SLC5A4: variants seen among roughly 807,000 people sequenced by gnomAD.
The protein encoded by SLC5A4 is probable glucose sensor protein SLC5A4.
A neutral mutation model predicts 70.3 loss-of-function variants in SLC5A4; 55 were observed. That is an observed-to-expected ratio of 0.78 (90% CI 0.63 to 0.98). The LOEUF is 0.98. Among genes scored for constraint, SLC5A4 ranks in the 50% least tolerant of loss-of-function variants. SLC5A4 has a pLI of 0.00. For missense variants in SLC5A4, 735 were observed against 839.2 expected, an observed-to-expected ratio of 0.88 and a Z score of 1.53; for synonymous variants, 268 against 305.7, an observed-to-expected ratio of 0.88 and a Z score of 1.29.
At chr22:32,303,956 C>T in the SLC5A4 span, among the ~76,000 whole-genome samples, 1 of 152,196 alleles carries the variant, frequency 6.6e-6, no homozygotes, top group African/African-American at 2.4e-5. Context: ...TTCTCACCAG[C>T]ATTTGGTGTT....
At chr22:32,319,468 C>G in the SLC5A4 span, among the ~76,000 whole-genome samples, 1 of 152,178 alleles carries the variant, frequency 6.6e-6, no homozygotes, top group African/African-American at 2.4e-5. Context: ...GGGTCTCAGG[C>G]CCTCGACTGA....
At chr22:32,233,175 C>T in intron 8 of SLC5A4, 141 bp from the exon 9 acceptor site, 1 of 814,846 alleles carries the variant, frequency 1.2e-6, no homozygotes, top group Non-Finnish European at 1.9e-6. Context: ...CTCCTGTGTT[C>T]ATTGCAGCAC....
At chr22:32,271,050 AT>A in the SLC5A4 span, 2 of 566,706 alleles carry the variant, frequency 3.5e-6, no homozygotes, top group Non-Finnish European at 6.4e-6. Flanking sequence ...CTGTGTGGGG[AT>A]TTGGGATCCC....
chr22:32,307,488 G>A, the SLC5A4 span, among the ~76,000 whole-genome samples: 1 of 152,160 alleles, frequency 6.6e-6, no homozygotes, highest in African/African-American at 2.4e-5. Context: ...AAGGGCCCTG[G>A]GTACAGGGCC....
the SLC5A4 span, among the ~76,000 whole-genome samples, chr22:32,341,471 C>T: frequency 6.6e-6 from 1 of 152,200 alleles, no homozygotes; most frequent in Non-Finnish European, 1.5e-5. Context: ...CTTTGGTGAA[C>T]TCCTAGCTAC....
chr22:32,289,121 CT>C, the SLC5A4 span, among the ~76,000 whole-genome samples: 1 of 152,062 alleles, frequency 6.6e-6, no homozygotes, highest in African/African-American at 2.4e-5. Context: ...TATCTAGTGT[CT>C]CTTAAAAGAA....
chr22:32,247,318 T>C (rs1192368355), intron 5 of SLC5A4, 93 bp downstream of exon 5: 8 of 758,034 alleles, frequency 1.1e-5, no homozygotes, highest in Non-Finnish European at 1.9e-5. Flanking sequence ...TAAAGGCTGT[T>C]GACAGTCTAC....
chr22:32,291,802 G>C, the SLC5A4 span, among the ~76,000 whole-genome samples: 1 of 149,412 alleles, frequency 6.7e-6, no homozygotes, highest in Non-Finnish European at 1.5e-5. Flanking sequence ...CCAATGTATG[G>C]AAATTTTTAT....
At chr22:32,326,036 C>A in the SLC5A4 span, among the ~76,000 whole-genome samples, 2 of 152,200 alleles carry the variant, frequency 1.3e-5, no homozygotes, top group Non-Finnish European at 2.9e-5. Flanking sequence ...GTACCTGCAA[C>A]CTAAGTGGGA....
chr22:32,220,738 C>A (rs184334769), intron 14 of SLC5A4, among the ~76,000 whole-genome samples, 182 bp downstream of exon 14: 10 of 152,206 alleles, frequency 6.6e-5, no homozygotes, highest in Admixed American at 5.9e-4. Flanking sequence ...AATGGACAGG[C>A]AGATGAATAG....
At chr22:32,239,935 A>T (rs1026084865) in intron 5 of SLC5A4, among the ~76,000 whole-genome samples, 2 of 148,482 alleles carry the variant, frequency 1.3e-5, no homozygotes, top group Non-Finnish European at 3.0e-5. Flanking sequence ...GAGGCAGGAG[A>T]ATGGTGTGAA....
Position 32,232,918 on chromosome 22 carries a change from G to A in SLC5A4, c.1002C>T (p.Ile334=). The A allele has an allele frequency of 6.2e-7, 1 of 1,614,096 alleles. No homozygotes were observed. Among genetic ancestry groups the A allele is most frequent in the East Asian group, 2.2e-5 (1 of 44,884 alleles). Residue 334 remains isoleucine, a synonymous_variant, in exon 9 of 15, where the codon ATC becomes ATT. Transcript: ENST00000266086. The stretch of plus-strand genomic sequence containing the variant: ...GCTTACCTGTGTACAGGATGCGGCT[G>A]ATCATCCCCGGCATCACCATGAGGA... ...PMFLMVMPGM[I]SRILYTDMVA...
chr22:32,261,506 T>C, the SLC5A4 span, among the ~76,000 whole-genome samples: 16,466 of 152,180 alleles, frequency 0.11, 1,452 homozygotes, highest in African/African-American at 0.25. Flanking sequence ...ACACCCAGGG[T>C]GCCCCCTTCA....
At chr22:32,312,351 T>TCACACG in the SLC5A4 span, among the ~76,000 whole-genome samples, 1 of 110,626 alleles carries the variant, frequency 9.0e-6, no homozygotes. Context: ...ACACCCCAAA[T>TCACACG]CACACGCGCG....
the SLC5A4 span, among the ~76,000 whole-genome samples, chr22:32,313,224 C>A: frequency 6.6e-6 from 1 of 152,164 alleles, no homozygotes; most frequent in Non-Finnish European, 1.5e-5. Context: ...TTATAAAATG[C>A]AACAGTGTGC....
the SLC5A4 span, among the ~76,000 whole-genome samples, chr22:32,329,629 T>G: frequency 1.3e-5 from 1 of 79,838 alleles, no homozygotes; most frequent in African/African-American, 5.7e-5. Context: ...GTGTGTGTGT[T>G]GGAGGGCTCT....
chr22:32,330,672 A>T, the SLC5A4 span, among the ~76,000 whole-genome samples: 40 of 24,288 alleles, frequency 1.6e-3, no homozygotes, highest in Middle Eastern at 0.036. Context: ...TGTGTGTGTT[A>T]GGGGGCTCTG....
the SLC5A4 span, among the ~76,000 whole-genome samples, chr22:32,274,006 A>G: frequency 6.6e-6 from 1 of 151,956 alleles, no homozygotes; most frequent in African/African-American, 2.4e-5. Context: ...TGTACAAAAC[A>G]GTGCCACTTT....
chr22:32,315,745 A>C, the SLC5A4 span, among the ~76,000 whole-genome samples: 1 of 150,984 alleles, frequency 6.6e-6, no homozygotes, highest in South Asian at 2.1e-4. Flanking sequence ...AACTAAGACC[A>C]AATGCATCTG....
Sources: gnomAD v4.1 joint callset for allele counts (sites outside exome capture counted in the v4.1 genomes callset) on GRCh38, gnomAD v4.1.1 for gene constraint, MANE v1.5 for transcripts, NCBI Gene and HGNC (gene_info 2026-07-23, HGNC 2026-07-21) for gene names.